The following SEMA3D variants were observed in gnomAD, a reference collection of about 807,000 sequenced individuals.
SEMA3D encodes the protein semaphorin 3D.
In SEMA3D, 84 loss-of-function variants were observed where a neutral mutation model predicts 100.1. The ratio of observed to expected loss-of-function variants is 0.84; its 90% CI spans 0.70 to 1.01. The LOEUF is 1.01. SEMA3D is among the 50% of genes least tolerant of loss of function. SEMA3D has a pLI of 0.00. For missense variants in SEMA3D, 875 were observed against 934.1 expected (o/e 0.94, Z 0.82); for synonymous variants, 312 against 320.7 (o/e 0.97, Z 0.29).
intron 4 of SEMA3D, among the ~76,000 whole-genome samples, chr7:85,094,940 T>C (rs1788505870): frequency 6.6e-6 from 1 of 151,374 alleles, no homozygotes; most frequent in Non-Finnish European, 1.5e-5. Flanking sequence ...AAAAAAATTT[T>C]CAAAAAAGAC....
In SEMA3D at chr7:85,121,824, A is replaced by C; in HGVS notation, c.68T>G (p.Met23Arg). 1 of 1,608,456 alleles carries C rather than the reference A, an allele frequency of 6.2e-7. No homozygotes were observed. The part of the protein sequence containing the change: ...SQDFHLFPAL[M>R]MLSMTMLFLP... The stretch of plus-strand genomic sequence containing the variant: ...AAACAACATGGTCATGCTTAGCATC[A>C]TCAAAGCAGGAAAAAGGTGAAAATC... The change falls in exon 3 of 19, where the codon ATG (methionine) becomes AGG (arginine). Residue 23 changes from methionine to arginine, a missense_variant. Transcript: ENST00000284136.
chr7:85,171,985 ATATGTT>A (rs1562844112), intron 1 of SEMA3D, among the ~76,000 whole-genome samples: 1 of 150,940 alleles, frequency 6.6e-6, no homozygotes, highest in African/African-American at 2.4e-5. Context: ...GTGTGTGTGT[ATATGTT>A]TATAATATAT....
At chr7:85,244,037 T>C in the SEMA3D span, among the ~76,000 whole-genome samples, 1 of 152,206 alleles carries the variant, frequency 6.6e-6, no homozygotes, top group East Asian at 1.9e-4. Flanking sequence ...CCATTTAGTA[T>C]TGTTATAAGA....
chr7:85,127,707 A>G (rs1221529882), intron 2 of SEMA3D, among the ~76,000 whole-genome samples: 3 of 152,144 alleles, frequency 2.0e-5, no homozygotes, highest in Non-Finnish European at 4.4e-5. Flanking sequence ...TCTCAAATCA[A>G]TTTGCTCTTC....
intron 3 of SEMA3D, among the ~76,000 whole-genome samples, chr7:85,115,049 A>C (rs1789197443): frequency 6.6e-6 from 1 of 152,242 alleles, no homozygotes; most frequent in Admixed American, 6.5e-5. Context: ...GATCTTAAAG[A>C]GTACATGTAA....
chr7:85,023,219 C>T (rs1177824656), intron 12 of SEMA3D, among the ~76,000 whole-genome samples: 3 of 151,836 alleles, frequency 2.0e-5, no homozygotes, highest in Non-Finnish European at 4.4e-5. Flanking sequence ...TCTAAAATTG[C>T]CTTATGTGCC....
chr7:85,024,497 T>A (rs2115865326), intron 12 of SEMA3D, among the ~76,000 whole-genome samples: 1 of 152,078 alleles, frequency 6.6e-6, no homozygotes. Context: ...AATGAAAATA[T>A]GAACACTTAG....
At chr7:85,240,998 G>A in the SEMA3D span, among the ~76,000 whole-genome samples, 1 of 151,968 alleles carries the variant, frequency 6.6e-6, no homozygotes, top group Admixed American at 6.6e-5. Flanking sequence ...ATCAAATAGT[G>A]TGCTAAGAAT....
At chr7:85,241,056 T>A in the SEMA3D span, among the ~76,000 whole-genome samples, 2 of 151,790 alleles carry the variant, frequency 1.3e-5, no homozygotes, top group African/African-American at 4.8e-5. Context: ...CCAACAGACA[T>A]ATGAAAAAAT....
the SEMA3D span, among the ~76,000 whole-genome samples, chr7:85,197,035 A>G: frequency 8.7e-6 from 1 of 114,822 alleles, no homozygotes; most frequent in Non-Finnish European, 1.7e-5. Flanking sequence ...AATCCTGTAT[A>G]TTGTGACTTA....
intron 2 of SEMA3D, among the ~76,000 whole-genome samples, chr7:85,143,655 A>G (rs1036908716): frequency 1.3e-5 from 2 of 152,232 alleles, no homozygotes; most frequent in African/African-American, 2.4e-5. Flanking sequence ...TGACTGTAAT[A>G]TATAGTAATA....
At chr7:85,239,570 C>T in the SEMA3D span, among the ~76,000 whole-genome samples, 2 of 152,090 alleles carry the variant, frequency 1.3e-5, no homozygotes, top group South Asian at 2.1e-4. Flanking sequence ...ACCTGAGAGT[C>T]GACATTTCTA....
intron 3 of SEMA3D, among the ~76,000 whole-genome samples, chr7:85,118,472 T>A (rs571245593): frequency 1.3e-5 from 2 of 152,196 alleles, no homozygotes; most frequent in African/African-American, 4.8e-5. Flanking sequence ...TTGGGTTTTC[T>A]TATTTTAAAA....
intron 8 of SEMA3D, among the ~76,000 whole-genome samples, chr7:85,057,470 A>G (rs370929367): frequency 1.3e-5 from 2 of 152,326 alleles, no homozygotes; most frequent in African/African-American, 4.8e-5. Context: ...GTTTTAACAG[A>G]AAAATAAATT....
chr7:85,110,444 C>T (rs1789061165), intron 3 of SEMA3D, among the ~76,000 whole-genome samples: 1 of 151,866 alleles, frequency 6.6e-6, no homozygotes, highest in Non-Finnish European at 1.5e-5. Context: ...CAAATCTTTA[C>T]ATATTAATCT....
chr7:85,142,232 T>C (rs1433667944), intron 2 of SEMA3D: 6 of 980,256 alleles, frequency 6.1e-6, no homozygotes, highest in Non-Finnish European at 7.3e-6. Context: ...TGAGATATCA[T>C]CTCTCTACCA....
rs76312853 is a variant in SEMA3D at position 85,081,948 on chromosome 7, A to C, written c.313-369T>G. ...CTGTGTTTACTCAGAGTAGTAGTAC[A>C]TTATAAACATGTGCCATGAAGTGTT... On this transcript the variant is annotated intron_variant, in intron 4 of 18. Coordinates refer to ENST00000284136, the MANE Select transcript of SEMA3D (RefSeq NM_001384900.1). Among the ~76,000 whole-genome samples the C allele has an allele frequency of 1.6e-3, 241 of 152,338 alleles. 4 individuals are homozygous for C. In the East Asian group the frequency reaches 0.044, roughly 28 times the overall value.
At chr7:85,061,740 C>A (rs757937459) in intron 8 of SEMA3D, among the ~76,000 whole-genome samples, 6 of 152,182 alleles carry the variant, frequency 3.9e-5, no homozygotes, top group Non-Finnish European at 7.3e-5. Flanking sequence ...CAATTTCTCC[C>A]CTTACTCTGC....
At chr7:85,006,745 C>A in intron 18 of SEMA3D, 57 bp downstream of exon 18, 1 of 1,406,828 alleles carries the variant, frequency 7.1e-7, no homozygotes, top group Non-Finnish European at 9.6e-7. Context: ...AGTTGAACAT[C>A]TCTCAATCGT....
Sources: gnomAD v4.1 joint callset for allele counts (sites outside exome capture counted in the v4.1 genomes callset) on GRCh38, gnomAD v4.1.1 for gene constraint, MANE v1.5 for transcripts, NCBI Gene and HGNC (gene_info 2026-07-23, HGNC 2026-07-21) for gene names.